FAM200A: variants seen among roughly 807,000 people sequenced by gnomAD.
FAM200A encodes the protein protein FAM200A.
A neutral mutation model predicts 44.2 loss-of-function variants in FAM200A; 26 were observed. That is an observed-to-expected ratio of 0.59 (90% CI 0.43 to 0.82). The LOEUF is 0.82. FAM200A is among the 40% of genes least tolerant of loss of function. FAM200A has a pLI of 0.00. For synonymous variants in FAM200A, 206 were observed against 244.4 expected, an observed-to-expected ratio of 0.84 and a Z score of 1.47; for missense variants, 606 against 669.5, an observed-to-expected ratio of 0.91 and a Z score of 1.05.
rs916613964 is a variant in FAM200A at position 99,546,832 on chromosome 7, A to G, written c.1576T>C (p.Cys526Arg). 1 of 1,551,550 alleles carries G rather than the reference A, an allele frequency of 6.4e-7. No homozygotes were observed. Among genetic ancestry groups the G allele is most frequent in the African/African-American group, 1.4e-5 (1 of 73,052 alleles). The change falls in exon 2 of 2, where the codon TGT (cysteine) becomes CGT (arginine). Residue 526 changes from cysteine (C) to arginine (R), a missense_variant. Physicochemically the swap from Cys to Arg is radical, Grantham distance 180. Coordinates refer to ENST00000449309, the MANE Select transcript of FAM200A (RefSeq NM_145111.4). ...GTCAAGATTGAAAATCCTAGTTCAC[A>G]CAAATATGTAGTTGTGAATGGTAGT... ...LLLPFTTTYL[C>R]ELGFSILTRL...
upstream of FAM200A, among the ~76,000 whole-genome samples, chr7:99,554,203 G>A (rs552515323): frequency 2.9e-4 from 44 of 152,222 alleles, no homozygotes; most frequent in African/African-American, 4.1e-4. Context: ...CATATTGGCC[G>A]GGCACGGTGG....
chr7:99,551,942 C>G lies in FAM200A; in HGVS notation c.-188G>C. On this transcript the variant is annotated 5_prime_UTR_variant, in exon 1 of 2. Coordinates refer to ENST00000449309, the MANE Select transcript of FAM200A (RefSeq NM_145111.4). Reference sequence around the variant, plus strand: ...CGGGGGCACGGACCCGCTTCCACTCCGTCCCGGGCGGTCGTGGCGAGGGGA... The same window carrying G: ...CGGGGGCACGGACCCGCTTCCACTCGGTCCCGGGCGGTCGTGGCGAGGGGA... The G allele has an allele frequency of 1.0e-6, 1 of 985,526 alleles. No homozygotes were observed. Among genetic ancestry groups the G allele is most frequent in the Non-Finnish European group, 1.2e-6 (1 of 829,990 alleles). The allele number at this position is 985,526 out of a possible 1,614,324, so 61.0% of individuals were successfully genotyped here.
intron 1 of FAM200A, among the ~76,000 whole-genome samples, chr7:99,549,010 G>T: frequency 1.2e-4 from 1 of 8,316 alleles, no homozygotes; most frequent in African/African-American, 3.9e-4. Flanking sequence ...CTCCCAAGTA[G>T]CTGGAATTAC....
chr7:99,557,986 C>T (rs1275498519), intron 1 of FAM200A, among the ~76,000 whole-genome samples: 1 of 152,172 alleles, frequency 6.6e-6, no homozygotes, highest in Non-Finnish European at 1.5e-5. Context: ...CTGCCTGTCC[C>T]GCTTGTGCAC....
At position 99,548,059 on chromosome 7, in the gene FAM200A, G is replaced by C; in HGVS notation, c.349C>G (p.Arg117Gly). ...TGTTTTGCAATCGTACAGATTCGAC[G>C]AGATATTGTATTATCACTAAGAGGT... is the stretch of plus-strand genomic sequence containing the variant. ...TIPLSDNTIS[R>G]RICTIAKHLE... The change falls in exon 2 of 2, where the codon CGT (arginine) becomes GGT (glycine). Residue 117 changes from arginine to glycine, a missense_variant. By Grantham distance (125) the Arg-to-Gly change is moderately radical. Coordinates refer to ENST00000449309, the MANE Select transcript of FAM200A (RefSeq NM_145111.4). The C allele has an allele frequency of 6.4e-7, 1 of 1,551,526 alleles. No homozygotes were observed. Among genetic ancestry groups the C allele is most frequent in the South Asian group, 1.2e-5 (1 of 84,050 alleles).
chr7:99,553,743 A>G (rs1302315815), upstream of FAM200A, among the ~76,000 whole-genome samples: 2 of 152,172 alleles, frequency 1.3e-5, no homozygotes, highest in South Asian at 2.1e-4. Flanking sequence ...CGCATATACC[A>G]TATTCTGAAG....
chr7:99,554,170 A>T (rs548345322), upstream of FAM200A, among the ~76,000 whole-genome samples: 2 of 152,274 alleles, frequency 1.3e-5, no homozygotes, highest in African/African-American at 4.8e-5. Context: ...TGAGAGTTAC[A>T]TCAGCCTTGG....
upstream of FAM200A, chr7:99,552,256 C>T (rs983771286): frequency 9.0e-6 from 7 of 780,492 alleles, no homozygotes; most frequent in African/African-American, 1.3e-4. Flanking sequence ...TTGTCCGCTC[C>T]GAGGAGGTGC....
Position 99,551,951 on chromosome 7 carries a change from C to G in FAM200A, c.-197G>C. On this transcript the variant is annotated 5_prime_UTR_variant, in exon 1 of 2. Transcript: ENST00000449309. Reference sequence around the variant, plus strand: ...GGACCCGCTTCCACTCCGTCCCGGGCGGTCGTGGCGAGGGGATTGCAGGAC... The same window carrying G: ...GGACCCGCTTCCACTCCGTCCCGGGGGGTCGTGGCGAGGGGATTGCAGGAC... The G allele has an allele frequency of 1.0e-6, 1 of 985,510 alleles. No individual in the cohort carries two copies. The highest frequency in any genetic ancestry group is 1.2e-6 in the Non-Finnish European group (1 of 829,972). 61.0% of individuals were successfully genotyped at this position (985,510 alleles called of 1,614,324 possible). A position where few individuals can be genotyped will look rare whatever the true frequency, so the allele number is the denominator to read the frequency against.
Position 99,547,712 on chromosome 7 carries a change from G to C in FAM200A, c.696C>G (p.Thr232=), listed in dbSNP as rs1802423042. The C allele has an allele frequency of 1.9e-6, 3 of 1,551,418 alleles. No individual in the cohort carries two copies. Among genetic ancestry groups the C allele is most frequent in the Non-Finnish European group, 2.6e-6 (3 of 1,146,962 alleles). The stretch of plus-strand genomic sequence containing the variant: ...AGTGATTCCAAACAGCATTGTTGTG[G>C]GTTGCTTCTAACAATTTTTCAGTAA... The part of the protein sequence containing the change: ...SRLTEKLLEA[T]HNNAVWNHCF... Residue 232 remains threonine (T), a synonymous_variant, in exon 2 of 2, where the codon ACC becomes ACG. Transcript: ENST00000449309.
At chr7:99,557,343 C>T (rs1220434100) in intron 1 of FAM200A, among the ~76,000 whole-genome samples, 12 of 152,172 alleles carry the variant, frequency 7.9e-5, no homozygotes, top group Admixed American at 7.9e-4. Flanking sequence ...CTAATAGGTA[C>T]AACCTGTGAA....
At position 99,546,512 on chromosome 7, in the gene FAM200A, G is replaced by A; in HGVS notation, c.*174C>T. 1.8e-6 allele frequency: 1 copy of A among 559,610 alleles called. No homozygotes were observed. The highest frequency in any genetic ancestry group is 3.4e-5 in the East Asian group (1 of 29,160). The allele number at this position is 559,610 out of a possible 1,614,324, so 34.7% of individuals were successfully genotyped here. ...GGCACCCAAGTAACTGGGACTGCAG[G>A]CATGTGCCACCACGCCTGGCTAAGG... On this transcript the variant is annotated 3_prime_UTR_variant, in exon 2 of 2. Coordinates refer to ENST00000449309, the MANE Select transcript of FAM200A (RefSeq NM_145111.4).
At chr7:99,557,622 A>C (rs1335662826) in intron 1 of FAM200A, among the ~76,000 whole-genome samples, 5 of 152,238 alleles carry the variant, frequency 3.3e-5, no homozygotes, top group African/African-American at 4.8e-5. Flanking sequence ...GGCACTGCAG[A>C]CTAGAGAGAT....
At chr7:99,554,627 A>G (rs1802642953), upstream of FAM200A, among the ~76,000 whole-genome samples, 1 of 152,158 alleles carries the variant, frequency 6.6e-6, no homozygotes, top group South Asian at 2.1e-4. Flanking sequence ...CAAGCCATTC[A>G]TCACTGCCTA....
rs776524424 is a variant in FAM200A at position 99,547,443 on chromosome 7, A to T, written c.965T>A (p.Ile322Asn). The change falls in exon 2 of 2, where the codon ATT becomes AAT. Residue 322 changes from isoleucine to asparagine, a missense_variant. Coordinates refer to ENST00000449309, the MANE Select transcript of FAM200A (RefSeq NM_145111.4). Reference sequence around the variant, plus strand: ...ATGAGATTGCTTTTCAACGAGAAAAATGTAAATCTCGTTCCTGAGTTCATA... The same window carrying T: ...ATGAGATTGCTTTTCAACGAGAAAATTGTAAATCTCGTTCCTGAGTTCATA... ...RVYELRNEIY[I>N]FLVEKQSHLA... The T allele has an allele frequency of 6.4e-7, 1 of 1,551,436 alleles. No homozygotes were observed. Among genetic ancestry groups the T allele is most frequent in the South Asian group, 1.2e-5 (1 of 83,974 alleles).
chr7:99,550,259 C>G (rs542672332), intron 1 of FAM200A, among the ~76,000 whole-genome samples: 21 of 152,084 alleles, frequency 1.4e-4, no homozygotes, highest in Admixed American at 7.9e-4. Flanking sequence ...TATAGGCGCC[C>G]AACACCAGGC....
Position 99,548,436 on chromosome 7 carries a change from G to T in FAM200A, c.-29C>A. On this transcript the variant is annotated 5_prime_UTR_variant, in exon 2 of 2. Transcript: ENST00000449309. Reference sequence around the variant, plus strand: ...TCAGGTTCCAGGAACTGGCTCACTTGATCCAAATAGGGTCTGTTTTGCAGG... The same window carrying T: ...TCAGGTTCCAGGAACTGGCTCACTTTATCCAAATAGGGTCTGTTTTGCAGG... The T allele has an allele frequency of 6.3e-7, 1 of 1,599,632 alleles. No individual in the cohort carries two copies. Among genetic ancestry groups the T allele is most frequent in the South Asian group, 1.1e-5 (1 of 88,368 alleles).
Position 99,546,745 on chromosome 7 carries a change from A to C in FAM200A, c.1663T>G (p.Ser555Ala). The change falls in exon 2 of 2, where the codon TCT becomes GCT. Residue 555 changes from serine to alanine, a missense_variant. Ser to Ala is a moderately conservative substitution (Grantham distance 99). Coordinates refer to ENST00000449309, the MANE Select transcript of FAM200A (RefSeq NM_145111.4). ...NSAPDMRVAL[S>A]SCVPDWKELM... ...TCCTTCCAGTCAGGAACACATGAAG[A>C]TAATGCTACCCGCATATCTGGTGCA... 1.3e-6 allele frequency: 2 copies of C among 1,548,694 alleles called. No individual in the cohort carries two copies. The highest frequency in any genetic ancestry group is 1.7e-6 in the Non-Finnish European group (2 of 1,146,200).
Position 99,547,473 on chromosome 7 carries a change from C to A in FAM200A, c.935G>T (p.Arg312Ile). 6.4e-7 allele frequency: 1 copy of A among 1,550,508 alleles called. No individual in the cohort carries two copies. Among genetic ancestry groups the A allele is most frequent in the Non-Finnish European group, 8.7e-7 (1 of 1,146,384 alleles). ...RWLSQGKVLS[R>I]VYELRNEIYI... ...AATCTCGTTCCTGAGTTCATATACT[C>A]TGCTCAATACTTTTCCTTGAGAAAG... Residue 312 changes from arginine to isoleucine, a missense_variant, in exon 2 of 2, where the codon AGA becomes ATA. Transcript: ENST00000449309.
Sources: gnomAD v4.1 joint callset for allele counts (sites outside exome capture counted in the v4.1 genomes callset) on GRCh38, gnomAD v4.1.1 for gene constraint, MANE v1.5 for transcripts, NCBI Gene and HGNC (gene_info 2026-07-23, HGNC 2026-07-21) for gene names.